Variants in RIOX2 observed in about 807,000 individuals in gnomAD.
RIOX2 encodes ribosomal oxygenase 2, also known as 60S ribosomal protein L27a histidine hydroxylase.
A neutral mutation model predicts 51.2 loss-of-function variants in RIOX2; 43 were observed. The ratio of observed to expected loss-of-function variants is 0.84; its 90% CI spans 0.66 to 1.08. The LOEUF is 1.08. RIOX2 is among the 50% of genes least tolerant of loss of function. RIOX2 has a pLI of 0.00. For synonymous variants in RIOX2, 226 were observed against 218.5 expected (o/e 1.03, Z -0.30); for missense variants, 566 against 561.7 (o/e 1.01, Z -0.08).
At chr3:97,945,642 T>TA (rs2040337069) in intron 9 of RIOX2, 156 bp downstream of exon 9, 1 of 643,322 alleles carries the variant, frequency 1.6e-6, no homozygotes, top group African/African-American at 1.8e-5. Context: ...ATGTCTGACT[T>TA]AATCATCCCC....
chr3:97,969,872 A>C (rs1217506338), intron 1 of RIOX2, among the ~76,000 whole-genome samples: 2 of 152,144 alleles, frequency 1.3e-5, no homozygotes, highest in African/African-American at 2.4e-5. Context: ...CCCTGTAATA[A>C]ATCAGCCGAG....
intron 5 of RIOX2, among the ~76,000 whole-genome samples, chr3:97,952,516 G>A (rs1705289662): frequency 1.3e-5 from 2 of 152,208 alleles, no homozygotes; most frequent in Admixed American, 1.3e-4. Flanking sequence ...ATGGCCTAAT[G>A]TTATGAGTAA....
intron 2 of RIOX2, among the ~76,000 whole-genome samples, chr3:97,964,650 T>C (rs1386922005): frequency 2.9e-5 from 4 of 136,134 alleles, no homozygotes; most frequent in Non-Finnish European, 6.0e-5. Flanking sequence ...TGAGCCGAGA[T>C]TGCGTCACTG....
At chr3:97,971,316 T>G (rs998206877) in intron 1 of RIOX2, among the ~76,000 whole-genome samples, 1 of 152,240 alleles carries the variant, frequency 6.6e-6, no homozygotes, top group Admixed American at 6.5e-5. Flanking sequence ...TTCTGATGGC[T>G]GAGGCCCATA....
chr3:97,962,237 T>G (rs1705706833), intron 2 of RIOX2, among the ~76,000 whole-genome samples: 1 of 152,074 alleles, frequency 6.6e-6, no homozygotes, highest in Non-Finnish European at 1.5e-5. Context: ...CTTGGGTTTT[T>G]GACTTGGGCA....
At chr3:97,953,430 G>A (rs1360078794) in intron 5 of RIOX2, among the ~76,000 whole-genome samples, 6 of 151,786 alleles carry the variant, frequency 4.0e-5, no homozygotes, top group Non-Finnish European at 8.8e-5. Context: ...GCCCAGGCTG[G>A]AGTGCAGTGG....
At chr3:97,960,567 A>G (rs533106309) in intron 3 of RIOX2, among the ~76,000 whole-genome samples, 1 of 152,200 alleles carries the variant, frequency 6.6e-6, no homozygotes, top group African/African-American at 2.4e-5. Context: ...TAACCCCCAC[A>G]CTGCACAAGG....
rs1174330917 is a variant in RIOX2 at position 97,967,260 on chromosome 3, C to A, written c.334G>T (p.Val112Phe). ...TGTGCTTTGCCATCTTTATTTAAAACCTTCTTCTTCCCATTGACACACCGG... is the reference window on the plus strand; with the variant it reads ...TGTGCTTTGCCATCTTTATTTAAAAACTTCTTCTTCCCATTGACACACCGG... ...VCRCVNGKKK[V>F]LNKDGKAHFL... The change falls in exon 2 of 10, where the codon GTT becomes TTT. Residue 112 changes from valine to phenylalanine, a missense_variant. By Grantham distance (50) the Val-to-Phe change is conservative (BLOSUM62 -1). Coordinates refer to ENST00000394198, the MANE Select transcript of RIOX2 (RefSeq NM_153182.4). 2 of 1,614,144 alleles carry A rather than the reference C, an allele frequency of 1.2e-6. No homozygotes were observed. The highest frequency in any genetic ancestry group is 3.3e-4 in the Middle Eastern group (2 of 6,062).
Position 97,967,428 on chromosome 3 carries a change from T to C in RIOX2, c.166A>G (p.Lys56Glu). ...AGGGGCTTCTGCTCCCAGAATTCCT[T>C]GAAAAAAGTCTCTGTCTTGATGGGC... The part of the protein sequence containing the change: ...ISPIKTETFF[K>E]EFWEQKPLLI... Residue 56 changes from lysine (K) to glutamate (E), a missense_variant, in exon 2 of 10, where the codon AAG (lysine) becomes GAG (glutamate). By Grantham distance (56) the Lys-to-Glu change is moderately conservative (BLOSUM62 1). Transcript: ENST00000394198. 2 of 1,613,968 alleles carry C rather than the reference T, an allele frequency of 1.2e-6. No individual in the cohort carries two copies. The highest frequency in any genetic ancestry group is 1.7e-6 in the Non-Finnish European group (2 of 1,179,984).
At chr3:97,955,806 G>A (rs192711234) in intron 4 of RIOX2, among the ~76,000 whole-genome samples, 1 of 152,236 alleles carries the variant, frequency 6.6e-6, no homozygotes, top group East Asian at 1.9e-4. Flanking sequence ...GTAGTATAGT[G>A]TACTACCTAC....
At chr3:97,958,973 T>G in intron 4 of RIOX2, 78 bp downstream of exon 4, 3 of 1,466,694 alleles carry the variant, frequency 2.0e-6, no homozygotes, top group Non-Finnish European at 2.7e-6. Flanking sequence ...CTCTAAACCT[T>G]GAGCCTGAAC....
At chr3:97,947,522 C>A in intron 7 of RIOX2, 73 bp from the exon 8 acceptor site, 1 of 1,116,498 alleles carries the variant, frequency 9.0e-7, no homozygotes, top group Non-Finnish European at 1.4e-6. Context: ...CTTATACATA[C>A]ACATAGGAAA....
intron 8 of RIOX2, 63 bp downstream of exon 8, chr3:97,947,298 C>T: frequency 7.8e-7 from 1 of 1,279,680 alleles, no homozygotes; most frequent in Non-Finnish European, 1.1e-6. Context: ...AATCTAATAA[C>T]CTGAGGCCTC....
rs1234298203 is a variant in RIOX2, at chr3:97,942,372, A to G, written c.*2812T>C. The G allele has an allele frequency of 2.5e-6, 4 of 1,611,876 alleles. No individual in the cohort carries two copies. Among genetic ancestry groups the G allele is most frequent in the Non-Finnish European group, 3.4e-6 (4 of 1,178,582 alleles). On this transcript the variant is annotated 3_prime_UTR_variant, in exon 10 of 10. Transcript: ENST00000394198. ...TGGACTGAACATGGGCAATTCAGGC[A>G]GAAGTGGAGACTGAATAAAAATGGA...
chr3:97,948,149 G>A (rs956827296), intron 7 of RIOX2, among the ~76,000 whole-genome samples: 12 of 152,108 alleles, frequency 7.9e-5, no homozygotes, highest in Non-Finnish European at 1.8e-4. Flanking sequence ...TTCTGCTAAA[G>A]ATTAAACCAT....
chr3:97,956,054 C>T lies in RIOX2; in HGVS notation c.682-1559G>A, dbSNP rs886263323. Among the ~76,000 whole-genome samples, 5 of 152,208 alleles carry T rather than the reference C, an allele frequency of 3.3e-5. No homozygotes were observed. The East Asian group carries it at 9.6e-4, about 29-fold the overall frequency. On this transcript the variant is annotated intron_variant, in intron 4 of 9. Coordinates refer to ENST00000394198, the MANE Select transcript of RIOX2 (RefSeq NM_153182.4). ...TGGGAGAGCCTAGGGCCCTACTGTA[C>T]ACTTTTATATGACTAGCAAAGAAGT... is the stretch of plus-strand genomic sequence containing the variant.
In RIOX2 at chr3:97,942,483, T is replaced by C. The variant is rs1435642587; in HGVS notation, c.*2701A>G. The C allele has an allele frequency of 3.3e-6, 5 of 1,524,818 alleles. No homozygotes were observed. The highest frequency in any genetic ancestry group is 4.4e-6 in the Non-Finnish European group (5 of 1,124,716). The allele number at this position is 1,524,818 out of a possible 1,614,324, so 94.5% of individuals were successfully genotyped here. A position where few individuals can be genotyped will look rare whatever the true frequency, so the allele number is the denominator to read the frequency against. ...ATACCCAATGTTGTGTCCCTGGATA[T>C]TAGTTTCAGTTCCAAATCTCCTCAT... On this transcript the variant is annotated 3_prime_UTR_variant, in exon 10 of 10. Coordinates refer to ENST00000394198, the MANE Select transcript of RIOX2 (RefSeq NM_153182.4).
intron 7 of RIOX2, among the ~76,000 whole-genome samples, chr3:97,949,107 A>G (rs544787563): frequency 6.6e-6 from 1 of 152,216 alleles, no homozygotes; most frequent in South Asian, 2.1e-4. Context: ...TCCAAATCTC[A>G]TGTTCAAATT....
Position 97,945,092 on chromosome 3 carries a change from G to A in RIOX2, c.*92C>T. On this transcript the variant is annotated 3_prime_UTR_variant, in exon 10 of 10. Coordinates refer to ENST00000394198, the MANE Select transcript of RIOX2 (RefSeq NM_153182.4). ...GTTTGTTAGTAGATACGCAGGTAAG[G>A]AAACTTGAATTCATCCTCTCCTCGG... is the stretch of plus-strand genomic sequence containing the variant. 8.2e-7 allele frequency: 1 copy of A among 1,217,168 alleles called. No individual in the cohort carries two copies. Among genetic ancestry groups the A allele is most frequent in the African/African-American group, 1.6e-5 (1 of 64,438 alleles). 75.4% of individuals were successfully genotyped at this position (1,217,168 alleles called of 1,614,324 possible).
Sources: gnomAD v4.1 joint callset for allele counts (sites outside exome capture counted in the v4.1 genomes callset) on GRCh38, gnomAD v4.1.1 for gene constraint, MANE v1.5 for transcripts, NCBI Gene and HGNC (gene_info 2026-07-23, HGNC 2026-07-21) for gene names.